The following XXYLT1 variants were observed in gnomAD, a reference collection of about 807,000 sequenced individuals.
The protein encoded by XXYLT1 is UDP-xylose:alpha-xyloside alpha-1,3-xylosyltransferase.
Under a neutral mutation model 28.9 loss-of-function variants are expected in XXYLT1, and 20 were observed. That is an observed-to-expected ratio of 0.69 (90% CI 0.49 to 1.00). The LOEUF is 1.00. Ranked by LOEUF, XXYLT1 falls within the 50% of genes least tolerant of loss-of-function variation. XXYLT1 has a pLI of 0.00. For synonymous variants in XXYLT1, 257 were observed against 253.8 expected (o/e 1.01, Z -0.12); for missense variants, 542 against 560.1 (o/e 0.97, Z 0.33).
chr3:195,243,224 G>T (rs979430415), intron 1 of XXYLT1, among the ~76,000 whole-genome samples: 2 of 152,028 alleles, frequency 1.3e-5, no homozygotes, highest in African/African-American at 2.4e-5. Context: ...GTGGGGGGAA[G>T]GGGGAAGGAT....
At chr3:195,235,163 T>C (rs1038481202) in intron 1 of XXYLT1, among the ~76,000 whole-genome samples, 1 of 152,148 alleles carries the variant, frequency 6.6e-6, no homozygotes, top group African/African-American at 2.4e-5. Context: ...TGGAGTGCAG[T>C]GGGGCAATCT....
At position 195,129,113 on chromosome 3, in the gene XXYLT1, A is replaced by G. The variant is rs1253295608; in HGVS notation, c.785+27336T>C. ...ATGCTTGTTCTACCCTGGAAAAAATATTGTGTGGGGGGAAGGTCGCGGCTA... is the reference window on the plus strand; with the variant it reads ...ATGCTTGTTCTACCCTGGAAAAAATGTTGTGTGGGGGGAAGGTCGCGGCTA... On this transcript the variant is annotated intron_variant, in intron 3 of 3. Coordinates refer to ENST00000310380, the MANE Select transcript of XXYLT1 (RefSeq NM_152531.5). This position sits in a 1 kb window ranked among gnomAD's most constrained non-coding sequence, Gnocchi z 4.4. Among the ~76,000 whole-genome samples, 1 of 152,200 alleles carries G rather than the reference A, an allele frequency of 6.6e-6. No homozygotes were observed. The highest frequency in any genetic ancestry group is 1.5e-5 in the Non-Finnish European group (1 of 68,032).
At chr3:195,197,318 T>A (rs1467761346) in intron 2 of XXYLT1, among the ~76,000 whole-genome samples, 3 of 151,928 alleles carry the variant, frequency 2.0e-5, no homozygotes, top group Non-Finnish European at 4.4e-5. Context: ...ACGCCTGTAG[T>A]CCCAGCTACT....
chr3:195,088,183 A>G (rs1715878782), intron 3 of XXYLT1, among the ~76,000 whole-genome samples: 1 of 151,592 alleles, frequency 6.6e-6, no homozygotes, highest in South Asian at 2.1e-4. Flanking sequence ...GGAGCCCACC[A>G]CAGCTCAAGG....
chr3:195,113,032 C>T (rs1717862978), intron 3 of XXYLT1, among the ~76,000 whole-genome samples: 1 of 152,246 alleles, frequency 6.6e-6, no homozygotes, highest in South Asian at 2.1e-4. Flanking sequence ...AGCTGTTGCT[C>T]TTCTTTGAGC....
intron 1 of XXYLT1, among the ~76,000 whole-genome samples, chr3:195,250,661 T>C (rs1024809491): frequency 6.6e-6 from 1 of 152,126 alleles, no homozygotes; most frequent in South Asian, 2.1e-4. Flanking sequence ...ACATACTATA[T>C]GATTTATTCA....
intron 2 of XXYLT1, among the ~76,000 whole-genome samples, chr3:195,191,240 C>T (rs1722406268): frequency 6.6e-6 from 1 of 152,170 alleles, no homozygotes; most frequent in South Asian, 2.1e-4. Flanking sequence ...CCTGCCTCCC[C>T]TTCCACCTCC....
chr3:195,126,369 G>A (rs1416276281), intron 3 of XXYLT1, among the ~76,000 whole-genome samples: 2 of 152,240 alleles, frequency 1.3e-5, no homozygotes, highest in Admixed American at 6.5e-5. Context: ...ACTGGTAAAT[G>A]CGATTGGTCA....
chr3:195,116,497 G>A (rs1718050437), intron 3 of XXYLT1, among the ~76,000 whole-genome samples: 1 of 152,080 alleles, frequency 6.6e-6, no homozygotes, highest in South Asian at 2.1e-4. Context: ...CTATTTACAG[G>A]TGCACTGCCA....
intron 2 of XXYLT1, among the ~76,000 whole-genome samples, chr3:195,218,507 C>A (rs1412879490): frequency 1.3e-5 from 2 of 150,022 alleles, no homozygotes; most frequent in East Asian, 3.9e-4. Context: ...GGGCGAAGGA[C>A]ATGAACAGAC....
chr3:195,137,904 CA>C (rs1291328226), intron 3 of XXYLT1, among the ~76,000 whole-genome samples: 1 of 152,190 alleles, frequency 6.6e-6, no homozygotes, highest in Non-Finnish European at 1.5e-5. Context: ...CTTTATCAGA[CA>C]CACCCTTTCT....
At chr3:195,165,848 A>C (rs1721093014) in intron 2 of XXYLT1, among the ~76,000 whole-genome samples, 1 of 152,142 alleles carries the variant, frequency 6.6e-6, no homozygotes, top group Admixed American at 6.5e-5. Context: ...GGAGATAATT[A>C]AGTCCCTATA....
chr3:195,093,472 T>C (rs1220909457), intron 3 of XXYLT1, among the ~76,000 whole-genome samples: 43 of 135,160 alleles, frequency 3.2e-4, no homozygotes, highest in African/African-American at 8.4e-4. Context: ...TAGGTGGGAA[T>C]TGAACAGTGA....
At chr3:195,172,720 T>C (rs974514274) in intron 2 of XXYLT1, among the ~76,000 whole-genome samples, 1 of 152,060 alleles carries the variant, frequency 6.6e-6, no homozygotes, top group Admixed American at 6.6e-5. Context: ...GAATGTGACA[T>C]TGTGAGAGCT....
rs1718996304 is a variant in XXYLT1 at position 195,133,316 on chromosome 3, G to A, written c.785+23133C>T. Among the ~76,000 whole-genome samples, 1 of 152,138 alleles carries A rather than the reference G, an allele frequency of 6.6e-6. No individual in the cohort carries two copies. The highest frequency in any genetic ancestry group is 2.1e-4 in the South Asian group (1 of 4,830). ...GTACCAGCAGCTGACATCGGCAGGT[G>A]GATAACTGAGCCAGCCCTTGGGGTG... On this transcript the variant is annotated intron_variant, in intron 3 of 3. Transcript: ENST00000310380. This position sits in a 1 kb window ranked among gnomAD's most constrained non-coding sequence, Gnocchi z 4.4.
intron 1 of XXYLT1, among the ~76,000 whole-genome samples, chr3:195,249,080 T>G (rs757195387): frequency 1.3e-5 from 2 of 152,174 alleles, no homozygotes; most frequent in Non-Finnish European, 2.9e-5. Flanking sequence ...GAAGGAAACA[T>G]GCAGACGGAA....
chr3:195,232,105 A>G (rs1724324277), intron 1 of XXYLT1, among the ~76,000 whole-genome samples: 2 of 152,068 alleles, frequency 1.3e-5, no homozygotes, highest in South Asian at 4.1e-4. Context: ...TCATGATTCT[A>G]TCTTAGTAGG....
chr3:195,107,247 G>A (rs984272834), intron 3 of XXYLT1, among the ~76,000 whole-genome samples: 2 of 151,808 alleles, frequency 1.3e-5, no homozygotes, highest in Non-Finnish European at 2.9e-5. Flanking sequence ...GCCGAGGCGG[G>A]CGGATCACCT....
chr3:195,237,571 T>C (rs1724606398), intron 1 of XXYLT1, among the ~76,000 whole-genome samples: 1 of 148,744 alleles, frequency 6.7e-6, no homozygotes, highest in Non-Finnish European at 1.5e-5. Context: ...TAGATCGTTG[T>C]CAAATTTGGT....
Sources: allele counts gnomAD v4.1 joint callset (sites outside exome capture counted in the v4.1 genomes callset), GRCh38; gene constraint gnomAD v4.1.1; non-coding constraint Gnocchi (gnomAD v3.1); transcripts MANE v1.5; gene names NCBI Gene and HGNC (gene_info 2026-07-23, HGNC 2026-07-21).